The following BMPR2 variants were observed in gnomAD, a reference collection of about 807,000 sequenced individuals.
BMPR2 encodes bone morphogenetic protein receptor type-2.
BMPR2 carries 29 observed loss-of-function variants against 100.8 expected under a neutral mutation model. That is an observed-to-expected ratio of 0.29 (90% confidence interval 0.21 to 0.39). BMPR2 has a LOEUF of 0.39. BMPR2 is among the 10% of genes least tolerant of loss of function. The pLI, the probability that BMPR2 is intolerant of heterozygous loss-of-function variation, is 1.00. For synonymous variants in BMPR2, 382 were observed against 442.3 expected, an observed-to-expected ratio of 0.86 and a Z score of 1.71; for missense variants, 1,011 against 1,274.5, an observed-to-expected ratio of 0.79 and a Z score of 3.15.
intron 3 of BMPR2, among the ~76,000 whole-genome samples, chr2:202,499,250 C>T (rs185124035): frequency 4.7e-5 from 7 of 150,160 alleles, no homozygotes; most frequent in Admixed American, 2.0e-4. Context: ...CTTTGACCTC[C>T]CTTGGAGAGA....
chr2:202,512,809 T>G lies in BMPR2; in HGVS notation c.419-910T>G, dbSNP rs187238376. Among the ~76,000 whole-genome samples, 395 of 152,206 alleles carry G rather than the reference T, an allele frequency of 2.6e-3. 1 individual carries two copies. The highest frequency in any genetic ancestry group is 9.2e-3 in the African/African-American group (381 of 41,528). On this transcript the variant is annotated intron_variant, in intron 3 of 12. Transcript: ENST00000374580. ...GATAGGAGAAGAAACTTTCCTAAGG[T>G]CATATGTTAAGTGGAAGAAGTGAGC...
Position 202,563,152 on chromosome 2 carries a change from G to C in BMPR2, c.*3206G>C, listed in dbSNP as rs561811485. ...GGCTAACGTTTATTTAAAAAGTTCA[G>C]GCCAGGTGCAGTGGCTTATGCCTAT... is the stretch of plus-strand genomic sequence containing the variant. On this transcript the variant is annotated 3_prime_UTR_variant, in exon 13 of 13. Coordinates refer to ENST00000374580, the MANE Select transcript of BMPR2 (RefSeq NM_001204.7). The C allele has an allele frequency of 6.6e-6, 1 of 152,362 alleles. No homozygotes were observed. Among genetic ancestry groups the C allele is most frequent in the East Asian group, 1.9e-4 (1 of 5,192 alleles). 9.4% of individuals were successfully genotyped at this position (152,362 alleles called of 1,614,324 possible). A position where few individuals can be genotyped will look rare whatever the true frequency, so the allele number is the denominator to read the frequency against.
rs1688763397 is a variant in BMPR2, at chr2:202,566,360, T to C, written c.*6414T>C. 6.6e-6 allele frequency: 1 copy of C among 152,652 alleles called. No individual in the cohort carries two copies. 9.5% of individuals were successfully genotyped at this position (152,652 alleles called of 1,614,324 possible). On this transcript the variant is annotated 3_prime_UTR_variant, in exon 13 of 13. Transcript: ENST00000374580. Reference sequence around the variant, plus strand: ...GATCCAGTTGAATATTTAAAGTGTTTGTTGCACAGTTCATTTAATGTTTCA... The same window carrying C: ...GATCCAGTTGAATATTTAAAGTGTTCGTTGCACAGTTCATTTAATGTTTCA...
intron 12 of BMPR2, among the ~76,000 whole-genome samples, chr2:202,558,248 G>C (rs189518946): frequency 1.3e-5 from 2 of 151,954 alleles, no homozygotes; most frequent in Non-Finnish European, 2.9e-5. Context: ...GAGTAGCTGG[G>C]ATTACAGACA....
chr2:202,464,302 C>CAT (rs1222923865), intron 1 of BMPR2, among the ~76,000 whole-genome samples: 15 of 150,784 alleles, frequency 9.9e-5, no homozygotes, highest in Non-Finnish European at 2.2e-4. Context: ...AATTTTAGAA[C>CAT]ATATATATAC....
Position 202,530,868 on chromosome 2 carries a change from G to C in BMPR2, c.1042G>C (p.Val348Leu). The change falls in exon 8 of 13, where the codon GTT becomes CTT. Residue 348 changes from valine (V) to leucine (L), a missense_variant. Transcript: ENST00000374580. ...NVLVKNDGTCVISDFGLSMRL... is the reference protein window; with the variant it reads ...NVLVKNDGTCLISDFGLSMRL... ...CCTAGTGAAAAATGATGGAACCTGT[G>C]TTATTAGTGACTTTGGACTGTCCAT... 6.2e-7 allele frequency: 1 copy of C among 1,614,064 alleles called. No individual in the cohort carries two copies.
chr2:202,445,024 G>A (rs1306192206), intron 1 of BMPR2, among the ~76,000 whole-genome samples: 1 of 150,236 alleles, frequency 6.7e-6, no homozygotes, highest in Non-Finnish European at 1.5e-5. Flanking sequence ...CCGACATCAG[G>A]TGATCCACCT....
At chr2:202,417,809 T>C (rs1156440411) in intron 1 of BMPR2, among the ~76,000 whole-genome samples, 1 of 151,464 alleles carries the variant, frequency 6.6e-6, no homozygotes, top group Non-Finnish European at 1.5e-5. Flanking sequence ...ACCTCTGCCT[T>C]CTGGGTTCAT....
intron 9 of BMPR2, among the ~76,000 whole-genome samples, chr2:202,539,456 A>G (rs1420120240): frequency 6.6e-6 from 1 of 152,136 alleles, no homozygotes; most frequent in Non-Finnish European, 1.5e-5. Flanking sequence ...GGAAGTAGAA[A>G]AGAAAAAAGG....
At chr2:202,466,286 TTTTTTA>T (rs1692319673) in intron 2 of BMPR2, among the ~76,000 whole-genome samples, 1 of 152,126 alleles carries the variant, frequency 6.6e-6, no homozygotes, top group Admixed American at 6.6e-5. Context: ...TCATTTTTCT[TTTTTTA>T]TTTTTATTTT....
At chr2:202,462,115 G>A (rs1309079686) in intron 1 of BMPR2, among the ~76,000 whole-genome samples, 2 of 152,074 alleles carry the variant, frequency 1.3e-5, no homozygotes, top group East Asian at 3.9e-4. Flanking sequence ...CTAAAAGCCA[G>A]TGAAAATGCT....
rs1688054465 is a variant in BMPR2, at chr2:202,532,834, T to C, written c.1276+102T>C. 3.0e-6 allele frequency: 4 copies of C among 1,328,340 alleles called. No individual in the cohort carries two copies. Among genetic ancestry groups the C allele is most frequent in the Non-Finnish European group, 4.2e-6 (4 of 957,966 alleles). The allele number at this position is 1,328,340 out of a possible 1,614,324, so 82.3% of individuals were successfully genotyped here. A position where few individuals can be genotyped will look rare whatever the true frequency, so the allele number is the denominator to read the frequency against. On this transcript the variant is annotated intron_variant, in intron 9 of 12. Transcript: ENST00000374580. This position sits in a 1 kb window ranked among gnomAD's most constrained non-coding sequence, Gnocchi z 4.1. ...CTCAACTTTTATGTAAGAATCTTTT[T>C]ACTTTCATTTAAACCTTTAGTTCAT...
At chr2:202,380,619 G>A (rs1013501860) in intron 1 of BMPR2, among the ~76,000 whole-genome samples, 1 of 150,236 alleles carries the variant, frequency 6.7e-6, no homozygotes, top group African/African-American at 2.5e-5. Flanking sequence ...TGATTGTTTG[G>A]ATTTCTTTCT....
In BMPR2 at chr2:202,377,241, G is replaced by A. The variant is rs1690168950; in HGVS notation, c.-234G>A. The A allele has an allele frequency of 6.5e-6, 4 of 614,702 alleles. No homozygotes were observed. The highest frequency in any genetic ancestry group is 1.2e-5 in the Non-Finnish European group (4 of 340,316). The allele number at this position is 614,702 out of a possible 1,614,324, so 38.1% of individuals were successfully genotyped here. A position where few individuals can be genotyped will look rare whatever the true frequency, so the allele number is the denominator to read the frequency against. On this transcript the variant is annotated 5_prime_UTR_variant, in exon 1 of 13. Coordinates refer to ENST00000374580, the MANE Select transcript of BMPR2 (RefSeq NM_001204.7). ...TCCGTTTGGAGGGCCGCGGCACCCC[G>A]TCCGAGGCGAAGGAACCCCCCCAGC...
chr2:202,382,113 G>A (rs1350107801), intron 1 of BMPR2, among the ~76,000 whole-genome samples: 3 of 146,750 alleles, frequency 2.0e-5, no homozygotes, highest in Admixed American at 1.4e-4. Flanking sequence ...AGCCTGGAGT[G>A]GAGTGGCACG....
chr2:202,383,672 CAAA>C (rs568495261), intron 1 of BMPR2, among the ~76,000 whole-genome samples: 7 of 105,284 alleles, frequency 6.6e-5, no homozygotes, highest in Admixed American at 1.0e-4. Context: ...GAAACTCTGT[CAAA>C]AAAAAAAAAA....
At chr2:202,411,403 G>A (rs1269274839) in intron 1 of BMPR2, among the ~76,000 whole-genome samples, 1 of 152,112 alleles carries the variant, frequency 6.6e-6, no homozygotes. Flanking sequence ...AGCTGAAGAA[G>A]GCAGAAACAA....
rs796577895 is a variant in BMPR2 at position 202,462,861 on chromosome 2, A to G, written c.77-1948A>G. On this transcript the variant is annotated intron_variant, in intron 1 of 12. Transcript: ENST00000374580. ...TGAATAGCTGGGATTACAGGCGTAC[A>G]CCACCATGCCCGGCTAATTTTTTGT... 2.2e-4 allele frequency among the ~76,000 whole-genome samples: 34 copies of G among 151,970 alleles called. 1 individual carries two copies. The highest frequency in any genetic ancestry group is 8.2e-4 in the African/African-American group (34 of 41,458).
intron 10 of BMPR2, among the ~76,000 whole-genome samples, chr2:202,548,415 G>A (rs1688414317): frequency 6.6e-6 from 1 of 151,486 alleles, no homozygotes; most frequent in South Asian, 2.1e-4. Flanking sequence ...TCCCACCTGT[G>A]AATAACCACT....
Sources: allele counts gnomAD v4.1 joint callset (sites outside exome capture counted in the v4.1 genomes callset), GRCh38; gene constraint gnomAD v4.1.1; non-coding constraint Gnocchi (gnomAD v3.1); transcripts MANE v1.5; gene names NCBI Gene and HGNC (gene_info 2026-07-23, HGNC 2026-07-21).